CTSO: variants seen among roughly 807,000 people sequenced by gnomAD.
CTSO encodes the protein cathepsin O.
CTSO carries 40 observed loss-of-function variants against 42.4 expected under a neutral mutation model. The observed-to-expected ratio is 0.94, with a 90% CI of 0.73 to 1.23. The LOEUF is 1.23. CTSO is among the 50% of genes most tolerant of loss of function. The pLI, the probability that CTSO is intolerant of heterozygous loss-of-function variation, is 0.00. For missense variants in CTSO, 441 were observed against 396.0 expected (o/e 1.11, Z -0.96); for synonymous variants, 156 against 146.2 (o/e 1.07, Z -0.48).
At chr4:155,938,152 A>G (rs561721531) in intron 4 of CTSO, among the ~76,000 whole-genome samples, 3 of 152,126 alleles carry the variant, frequency 2.0e-5, no homozygotes, top group African/African-American at 4.8e-5. Flanking sequence ...GATTCCATCC[A>G]GTGGTTTATA....
rs1389533148 is a variant in CTSO, at chr4:155,935,452, A to G, written c.674+1910T>C. Among the ~76,000 whole-genome samples, 6 of 152,068 alleles carry G rather than the reference A, an allele frequency of 3.9e-5. No individual in the cohort carries two copies. The East Asian group carries it at 1.2e-3, about 30-fold the overall frequency. On this transcript the variant is annotated intron_variant, in intron 5 of 7. Coordinates refer to ENST00000433477, the MANE Select transcript of CTSO (RefSeq NM_001334.3). The stretch of plus-strand genomic sequence containing the variant: ...TTTTTGCCTCACGATCTTTGCATTT[A>G]CAGCCTCTCTGCTTGGAACCATGTT...
In CTSO at chr4:155,953,742, T is replaced by A; in HGVS notation, c.106A>T (p.Ser36Cys). Residue 36 changes from serine (S) to cysteine (C), a missense_variant, in exon 1 of 8, where the codon AGC becomes TGC. Transcript: ENST00000433477. Reference sequence around the variant, plus strand: ...AAGGCGGCGGCTTCACGCTCGCGGCTCCGCGGCCAGGTCGGGGTGAAGGGG... The same window carrying A: ...AAGGCGGCGGCTTCACGCTCGCGGCACCGCGGCCAGGTCGGGGTGAAGGGG... Reference protein sequence around the residue: ...RAPFTPTWPRSREREAAAFRE... With the variant: ...RAPFTPTWPRCREREAAAFRE... 7.8e-7 allele frequency: 1 copy of A among 1,277,974 alleles called. No homozygotes were observed. The highest frequency in any genetic ancestry group is 9.9e-7 in the Non-Finnish European group (1 of 1,012,904). 79.2% of individuals were successfully genotyped at this position (1,277,974 alleles called of 1,614,324 possible). A position where few individuals can be genotyped will look rare whatever the true frequency, so the allele number is the denominator to read the frequency against.
chr4:155,929,837 G>T, intron 5 of CTSO, 132 bp from the exon 6 acceptor site: 1 of 749,292 alleles, frequency 1.3e-6, no homozygotes, highest in Non-Finnish European at 2.1e-6. Flanking sequence ...TGGAAGCTAA[G>T]TCTGAGAGAC....
At chr4:155,929,789 T>C in intron 5 of CTSO, 84 bp from the exon 6 acceptor site, 2 of 1,316,518 alleles carry the variant, frequency 1.5e-6, no homozygotes, top group Middle Eastern at 2.2e-4. Flanking sequence ...TGTATGATTC[T>C]GAGTAGGTTT....
chr4:155,953,608 TGC>T (rs1194658691), intron 1 of CTSO, 103 bp downstream of exon 1: 1 of 1,204,326 alleles, frequency 8.3e-7, no homozygotes, highest in African/African-American at 1.6e-5. Flanking sequence ...GAGCCACGGG[TGC>T]CCACGAGCAG....
rs1349907441 is a variant in CTSO, at chr4:155,929,640, G to C, written c.740C>G (p.Ala247Gly). 1 of 1,613,896 alleles carries C rather than the reference G, an allele frequency of 6.2e-7. No homozygotes were observed. The highest frequency in any genetic ancestry group is 8.5e-7 in the Non-Finnish European group (1 of 1,179,976). ...TCCCAGATAATCTTGCCAGCTCACTGCATCTACTATGACTACCAAAGGGCC... is the reference window on the plus strand; with the variant it reads ...TCCCAGATAATCTTGCCAGCTCACTCCATCTACTATGACTACCAAAGGGCC... ...TFGPLVVIVD[A>G]VSWQDYLGGI... Residue 247 changes from alanine (A) to glycine (G), a missense_variant, in exon 6 of 8, where the codon GCA becomes GGA. Physicochemically the swap from Ala to Gly is moderately conservative, Grantham distance 60. Coordinates refer to ENST00000433477, the MANE Select transcript of CTSO (RefSeq NM_001334.3).
Position 155,925,029 on chromosome 4 carries a change from T to C in CTSO, c.*1007A>G, listed in dbSNP as rs564798672. ...TACCCAGGGTTAAGAGATGGGACTTTGATAGGAGTGGTGCTTATGAATTAA... is the reference window on the plus strand; with the variant it reads ...TACCCAGGGTTAAGAGATGGGACTTCGATAGGAGTGGTGCTTATGAATTAA... On this transcript the variant is annotated 3_prime_UTR_variant, in exon 8 of 8. Transcript: ENST00000433477. The C allele has an allele frequency of 6.6e-6, 1 of 152,150 alleles. No homozygotes were observed. The highest frequency in any genetic ancestry group is 1.9e-4 in the East Asian group (1 of 5,184). The allele number at this position is 152,150 out of a possible 1,614,324, so 9.4% of individuals were successfully genotyped here.
chr4:155,924,518 T>C lies in CTSO; in HGVS notation c.*1518A>G, dbSNP rs1743096216. ...CAAAAGTGAGAGAAAAAGTTAGATG[T>C]CCTTGAATTTTTTTTTTTAGTGGTT... On this transcript the variant is annotated 3_prime_UTR_variant, in exon 8 of 8. Transcript: ENST00000433477. 1 of 152,144 alleles carries C rather than the reference T, an allele frequency of 6.6e-6. No homozygotes were observed. Among genetic ancestry groups the C allele is most frequent in the South Asian group, 2.1e-4 (1 of 4,818 alleles). 9.4% of individuals were successfully genotyped at this position (152,144 alleles called of 1,614,324 possible).
chr4:155,942,371 T>A lies in CTSO; in HGVS notation c.330A>T (p.Leu110Phe), dbSNP rs1403257470. The stretch of plus-strand genomic sequence containing the variant: ...CCTGCTTGTCCCTCCAGTCAAATCT[T>A]AACGGCAAAGACACATTGGGGATGG... ...HMSIPNVSLP[L>F]RFDWRDKQVV... Residue 110 changes from leucine (L) to phenylalanine (F), a missense_variant, in exon 3 of 8, where the codon TTA becomes TTT. Transcript: ENST00000433477. 2 of 1,603,174 alleles carry A rather than the reference T, an allele frequency of 1.2e-6. No homozygotes were observed. The highest frequency in any genetic ancestry group is 2.3e-5 in the East Asian group (1 of 43,480).
rs184369497 is a variant in CTSO at position 155,938,723 on chromosome 4, G to A, written c.552+648C>T. Reference sequence around the variant, plus strand: ...GGGTGGATCACAAGGTCAGGAGATCGAGATCAGCCTGGCCAATATGGTGAA... The same window carrying A: ...GGGTGGATCACAAGGTCAGGAGATCAAGATCAGCCTGGCCAATATGGTGAA... On this transcript the variant is annotated intron_variant, in intron 4 of 7. Transcript: ENST00000433477. Among the ~76,000 whole-genome samples, 5 of 152,120 alleles carry A rather than the reference G, an allele frequency of 3.3e-5. No homozygotes were observed. The East Asian group carries it at 7.7e-4, about 23-fold the overall frequency.
chr4:155,928,456 T>A, intron 6 of CTSO, 28 bp from the exon 7 acceptor site: 1 of 1,487,400 alleles, frequency 6.7e-7, no homozygotes, highest in Non-Finnish European at 9.3e-7. Context: ...TAGTAACAAA[T>A]CCTGAAAACT....
chr4:155,931,469 G>A (rs1743232489), intron 5 of CTSO, among the ~76,000 whole-genome samples: 2 of 152,030 alleles, frequency 1.3e-5, no homozygotes, highest in South Asian at 2.1e-4. Flanking sequence ...GGCCAGAGCT[G>A]AAAAAAGATA....
intron 2 of CTSO, 37 bp from the exon 3 acceptor site, chr4:155,942,493 T>G (rs753304746): frequency 3.4e-5 from 32 of 951,416 alleles, no homozygotes; most frequent in Middle Eastern, 2.6e-4. Context: ...CAACCAATAT[T>G]ATATTACAAT....
intron 7 of CTSO, among the ~76,000 whole-genome samples, chr4:155,927,809 T>A (rs1031820671): frequency 2.6e-5 from 4 of 151,952 alleles, no homozygotes; most frequent in Non-Finnish European, 2.9e-5. Flanking sequence ...TAAAAAAGCA[T>A]GTTTGGTATT....
rs1178517566 is a variant in CTSO at position 155,925,144 on chromosome 4, TA to T, written c.*891del. ...GTGGTAAGAAAATAGAAATGGAAAG[TA>T]AAAATGAGACTTAATTCTTTAGTCA... is the stretch of plus-strand genomic sequence containing the variant. On this transcript the variant is annotated 3_prime_UTR_variant, in exon 8 of 8. Coordinates refer to ENST00000433477, the MANE Select transcript of CTSO (RefSeq NM_001334.3). The T allele has an allele frequency of 5.9e-5, 9 of 151,604 alleles. No individual in the cohort carries two copies. The highest frequency in any genetic ancestry group is 4.4e-5 in the Non-Finnish European group (3 of 67,922). The allele number at this position is 151,604 out of a possible 1,614,324, so 9.4% of individuals were successfully genotyped here.
At position 155,929,536 on chromosome 4, in the gene CTSO, A is replaced by T. The variant is rs368781823; in HGVS notation, c.838+6T>A. On this transcript the variant is annotated splice_donor_region_variant and intron_variant, in intron 6 of 7. Transcript: ENST00000433477. ...AAGCAGTCAACTGAGTCTTATCAGC[A>T]CTTACCTGTTTTATCAAACCCAGTT... 3.7e-6 allele frequency: 6 copies of T among 1,610,918 alleles called. No homozygotes were observed. The African/African-American group carries it at 8.0e-5, about 22-fold the overall frequency.
At chr4:155,932,357 T>A (rs1743251291) in intron 5 of CTSO, among the ~76,000 whole-genome samples, 1 of 152,042 alleles carries the variant, frequency 6.6e-6, no homozygotes, top group East Asian at 1.9e-4. Flanking sequence ...ACTCCACAGT[T>A]TACTAGCTAT....
intron 4 of CTSO, among the ~76,000 whole-genome samples, chr4:155,938,505 C>T (rs1052126864): frequency 3.3e-5 from 5 of 152,132 alleles, no homozygotes; most frequent in African/African-American, 1.2e-4. Context: ...GCTAAGAACG[C>T]TGAGGGACAC....
At position 155,928,414 on chromosome 4, in the gene CTSO, A is replaced by G; in HGVS notation, c.853T>C (p.Trp285Arg). The G allele has an allele frequency of 6.2e-7, 1 of 1,610,810 alleles. No homozygotes were observed. The highest frequency in any genetic ancestry group is 8.5e-7 in the Non-Finnish European group (1 of 1,178,146). ...CTTCCCCAGGAATTCCGCACAATCCAATATGGAGTGCTTCCTACAGTGAAA... is the reference window on the plus strand; with the variant it reads ...CTTCCCCAGGAATTCCGCACAATCCGATATGGAGTGCTTCCTACAGTGAAA... The part of the protein sequence containing the change: ...GFDKTGSTPY[W>R]IVRNSWGSSW... The change falls in exon 7 of 8, where the codon TGG (tryptophan) becomes CGG (arginine). Residue 285 changes from tryptophan to arginine, a missense_variant. Coordinates refer to ENST00000433477, the MANE Select transcript of CTSO (RefSeq NM_001334.3).
Sources: gnomAD v4.1 joint callset for allele counts (sites outside exome capture counted in the v4.1 genomes callset) on GRCh38, gnomAD v4.1.1 for gene constraint, MANE v1.5 for transcripts, NCBI Gene and HGNC (gene_info 2026-07-23, HGNC 2026-07-21) for gene names.